KCNQ5: variants seen among roughly 807,000 people sequenced by gnomAD.
The protein encoded by KCNQ5 is potassium voltage-gated channel subfamily Q member 5.
Under a neutral mutation model 98.2 loss-of-function variants are expected in KCNQ5, and 30 were observed. The ratio of observed to expected loss-of-function variants is 0.31; its 90% CI spans 0.23 to 0.41. The LOEUF (loss-of-function observed/expected upper bound fraction) is 0.41, where lower values mean the gene tolerates loss of function less well. Among genes scored for constraint, KCNQ5 ranks in the 10% least tolerant of loss-of-function variants. The pLI, the probability that KCNQ5 is intolerant of heterozygous loss-of-function variation, is 1.00. For missense variants in KCNQ5, 835 were observed against 1,182.5 expected (o/e 0.71, Z 4.31); for synonymous variants, 458 against 449.4 (o/e 1.02, Z -0.24).
intron 1 of KCNQ5, among the ~76,000 whole-genome samples, chr6:72,790,833 T>TA (rs979384284): frequency 2.0e-5 from 3 of 152,290 alleles, no homozygotes; most frequent in Admixed American, 1.3e-4. Flanking sequence ...AACTTGAAGA[T>TA]AAAAAAACAG....
At chr6:72,738,842 G>A (rs1374367341) in intron 1 of KCNQ5, among the ~76,000 whole-genome samples, 2 of 152,138 alleles carry the variant, frequency 1.3e-5, no homozygotes, top group African/African-American at 4.8e-5. Flanking sequence ...TGACATTCTG[G>A]AAACAGCAAA....
chr6:72,842,659 C>G (rs552041515), intron 1 of KCNQ5, among the ~76,000 whole-genome samples: 4 of 152,290 alleles, frequency 2.6e-5, no homozygotes, highest in South Asian at 4.1e-4. Flanking sequence ...TGTTTCCTGA[C>G]TTTTTAATGA....
intron 11 of KCNQ5, among the ~76,000 whole-genome samples, chr6:73,186,565 A>T (rs557062655): frequency 8.9e-4 from 135 of 152,358 alleles, no homozygotes; most frequent in African/African-American, 2.9e-3. Flanking sequence ...ATGTGACATC[A>T]CTGAGCAGGA....
At chr6:72,678,262 C>T (rs1405504422) in intron 1 of KCNQ5, 1 of 152,150 alleles carries the variant, frequency 6.6e-6, no homozygotes, top group African/African-American at 2.4e-5. Flanking sequence ...ATAATGCTTT[C>T]AGCTCACCAT....
intron 1 of KCNQ5, among the ~76,000 whole-genome samples, chr6:72,815,615 CA>C (rs1217835587): frequency 6.6e-6 from 1 of 152,124 alleles, no homozygotes; most frequent in African/African-American, 2.4e-5. Context: ...ATTCTGCAGG[CA>C]ATGAGGATCC....
chr6:73,110,596 G>A (rs781028877), intron 6 of KCNQ5, among the ~76,000 whole-genome samples: 2 of 152,180 alleles, frequency 1.3e-5, no homozygotes, highest in Non-Finnish European at 2.9e-5. Context: ...ATTAAAATGG[G>A]AATGTGCTTT....
chr6:73,161,525 A>G lies in KCNQ5; in HGVS notation c.1469-8221A>G, dbSNP rs190416538. On this transcript the variant is annotated intron_variant, in intron 10 of 13. Transcript: ENST00000370398. ...GATATTTAAGATGATGGATAGCCCA[A>G]GTACACTGACTTGATCTTTACAAGT... 5.5e-3 allele frequency among the ~76,000 whole-genome samples: 836 copies of G among 152,362 alleles called. 7 individuals carry two copies. The highest frequency in any genetic ancestry group is 0.01 in the Non-Finnish European group (687 of 68,020).
intron 7 of KCNQ5, among the ~76,000 whole-genome samples, chr6:73,115,826 C>G (rs1001389989): frequency 1.3e-5 from 2 of 151,974 alleles, no homozygotes; most frequent in Non-Finnish European, 2.9e-5. Context: ...GACATGGAGT[C>G]AAGAAAACAA....
At chr6:73,169,611 T>C (rs1443983456) in intron 10 of KCNQ5, 135 bp from the exon 11 acceptor site, 4 of 636,456 alleles carry the variant, frequency 6.3e-6, no homozygotes, top group Non-Finnish European at 1.1e-5. Context: ...GGCAAGACAA[T>C]TGGCTGACCT....
intron 1 of KCNQ5, among the ~76,000 whole-genome samples, chr6:72,962,226 TATATATATATACAC>T (rs1221014845): frequency 1.4e-5 from 2 of 145,216 alleles, no homozygotes; most frequent in Admixed American, 7.0e-5. Flanking sequence ...TACACACATA[TATATATATATACAC>T]ATATATATAT....
intron 3 of KCNQ5, among the ~76,000 whole-genome samples, chr6:73,053,056 A>G (rs1222315931): frequency 1.3e-5 from 2 of 152,240 alleles, no homozygotes. Context: ...AGAAAAATCT[A>G]CCAAGCAAAT....
At chr6:72,757,383 G>T (rs1047223263) in intron 1 of KCNQ5, among the ~76,000 whole-genome samples, 3 of 152,124 alleles carry the variant, frequency 2.0e-5, no homozygotes, top group Admixed American at 6.5e-5. Context: ...TTATGATGGG[G>T]TTATGTCCAG....
intron 1 of KCNQ5, among the ~76,000 whole-genome samples, chr6:72,890,633 G>C (rs548944612): frequency 6.6e-6 from 1 of 152,100 alleles, no homozygotes; most frequent in African/African-American, 2.4e-5. Context: ...GACACACCAG[G>C]ATCAAAACCA....
intron 10 of KCNQ5, among the ~76,000 whole-genome samples, chr6:73,166,145 C>CATTAGGCCGGGCCGGTAAAACAA (rs1298595164): frequency 6.6e-6 from 1 of 151,654 alleles, no homozygotes; most frequent in African/African-American, 2.4e-5. Flanking sequence ...TGGTAAAACA[C>CATTAGGCCGGGCCGGTAAAACAA]ACTCAGGCCG....
intron 3 of KCNQ5, among the ~76,000 whole-genome samples, chr6:73,049,603 T>C (rs895542954): frequency 1.3e-5 from 2 of 152,144 alleles, no homozygotes; most frequent in Non-Finnish European, 1.5e-5. Flanking sequence ...GGAGAAATAA[T>C]GAAGGAGCAG....
At chr6:72,740,944 T>C (rs1771101340) in intron 1 of KCNQ5, among the ~76,000 whole-genome samples, 1 of 152,202 alleles carries the variant, frequency 6.6e-6, no homozygotes, top group Non-Finnish European at 1.5e-5. Flanking sequence ...AGTTGTTCAC[T>C]GTGTTTGCAG....
intron 1 of KCNQ5, chr6:72,630,736 C>G (rs1347774832): frequency 6.6e-6 from 1 of 152,034 alleles, no homozygotes; most frequent in Admixed American, 6.5e-5. Flanking sequence ...CATGGTGGCT[C>G]TCGCTGAAAC....
chr6:73,147,345 A>G (rs9442895), intron 10 of KCNQ5, among the ~76,000 whole-genome samples: 32,907 of 152,046 alleles, frequency 0.22, 8,489 homozygotes, highest in African/African-American at 0.61. Context: ...GAAATCCTGG[A>G]CTTGCTTAAT....
chr6:72,709,303 C>A (rs1474599285), intron 1 of KCNQ5, among the ~76,000 whole-genome samples: 1 of 152,104 alleles, frequency 6.6e-6, no homozygotes, highest in Admixed American at 6.5e-5. Flanking sequence ...ACAAAACATC[C>A]AAATAATTTG....
Sources: allele counts gnomAD v4.1 joint callset (sites outside exome capture counted in the v4.1 genomes callset), GRCh38; gene constraint gnomAD v4.1.1; transcripts MANE v1.5; gene names NCBI Gene and HGNC (gene_info 2026-07-23, HGNC 2026-07-21).